GPHN: variants seen among roughly 807,000 people sequenced by gnomAD.
The protein encoded by GPHN is gephyrin.
GPHN carries 17 observed loss-of-function variants against 95.5 expected under a neutral mutation model. That is an observed-to-expected ratio of 0.18 (90% CI 0.12 to 0.27). GPHN has a LOEUF of 0.27. Among genes scored for constraint, GPHN ranks in the 10% least tolerant of loss-of-function variants. GPHN has a pLI of 1.00. For missense variants in GPHN, 660 were observed against 978.1 expected, an observed-to-expected ratio of 0.67 and a Z score of 4.34; for synonymous variants, 320 against 322.5, an observed-to-expected ratio of 0.99 and a Z score of 0.08.
At chr14:67,566,749 G>GA in the GPHN span, among the ~76,000 whole-genome samples, 7,137 of 134,148 alleles carry the variant, frequency 0.053, 616 homozygotes, top group African/African-American at 0.18. Flanking sequence ...ACCCTGTCTT[G>GA]AAAAAAAAAA....
chr14:67,143,344 G>A lies in GPHN; in HGVS notation c.1749-18G>A, dbSNP rs1199746399. On this transcript the variant is annotated intron_variant, in intron 17 of 22. Coordinates refer to ENST00000478722, the MANE Select transcript of GPHN (RefSeq NM_020806.5). Reference sequence around the variant, plus strand: ...CTTTTCCTTGTGTGTTAATTTCTTTGTCTTTATTTTTTTCCAGCCCAGATG... The same window carrying A: ...CTTTTCCTTGTGTGTTAATTTCTTTATCTTTATTTTTTTCCAGCCCAGATG... 4.6e-6 allele frequency: 7 copies of A among 1,532,982 alleles called. No individual in the cohort carries two copies. Among genetic ancestry groups the A allele is most frequent in the East Asian group, 2.2e-5 (1 of 44,472 alleles). 95.0% of individuals were successfully genotyped at this position (1,532,982 alleles called of 1,614,324 possible).
the GPHN span, among the ~76,000 whole-genome samples, chr14:67,594,741 A>G: frequency 6.6e-6 from 1 of 152,212 alleles, no homozygotes; most frequent in Non-Finnish European, 1.5e-5. Flanking sequence ...TATAAGATGA[A>G]AATGCATTTA....
chr14:67,575,692 G>A, the GPHN span: 5 of 762,232 alleles, frequency 6.6e-6, no homozygotes, highest in Non-Finnish European at 1.1e-5. Context: ...GGATGCTATA[G>A]TCTCCACCTC....
intron 1 of GPHN, among the ~76,000 whole-genome samples, chr14:66,655,380 TA>T (rs2153368879): frequency 6.6e-6 from 1 of 152,286 alleles, no homozygotes; most frequent in Admixed American, 6.5e-5. Context: ...TAAGTGGCAT[TA>T]TATTTTAATT....
chr14:66,559,199 A>G (rs2060128008), intron 1 of GPHN, among the ~76,000 whole-genome samples: 1 of 152,084 alleles, frequency 6.6e-6, no homozygotes, highest in Admixed American at 6.5e-5. Flanking sequence ...CAATAAACAT[A>G]TGTGTGCATG....
the GPHN span, among the ~76,000 whole-genome samples, chr14:67,349,583 C>G: frequency 6.6e-6 from 1 of 152,192 alleles, no homozygotes; most frequent in Admixed American, 6.5e-5. Flanking sequence ...GCCTGTAATC[C>G]TGGCACTTTG....
At chr14:67,330,121 A>G in the GPHN span, among the ~76,000 whole-genome samples, 1 of 148,976 alleles carries the variant, frequency 6.7e-6, no homozygotes, top group East Asian at 2.0e-4. Flanking sequence ...TAAAGACACA[A>G]TCTGGAACCA....
At chr14:67,068,944 C>T (rs997425226) in intron 11 of GPHN, among the ~76,000 whole-genome samples, 5 of 152,006 alleles carry the variant, frequency 3.3e-5, no homozygotes, top group Non-Finnish European at 7.4e-5. Context: ...AGTAGGAAGT[C>T]CTCACCAAGG....
At chr14:66,894,268 T>G (rs2064703246) in intron 5 of GPHN, among the ~76,000 whole-genome samples, 1 of 152,148 alleles carries the variant, frequency 6.6e-6, no homozygotes, top group Non-Finnish European at 1.5e-5. Context: ...GGGAAAGGAT[T>G]CCCTATTTAA....
At chr14:66,761,210 T>A (rs2058741508) in intron 2 of GPHN, among the ~76,000 whole-genome samples, 1 of 152,226 alleles carries the variant, frequency 6.6e-6, no homozygotes, top group Non-Finnish European at 1.5e-5. Flanking sequence ...AAATTTTCAC[T>A]GATAGATATA....
At chr14:66,828,058 C>G (rs910911796) in intron 4 of GPHN, among the ~76,000 whole-genome samples, 2 of 151,728 alleles carry the variant, frequency 1.3e-5, no homozygotes, top group Non-Finnish European at 2.9e-5. Context: ...ATAAATATGT[C>G]TTCTCTAATA....
chr14:66,603,688 C>G (rs1328211083), intron 1 of GPHN, among the ~76,000 whole-genome samples: 1 of 151,828 alleles, frequency 6.6e-6, no homozygotes, highest in Non-Finnish European at 1.5e-5. Context: ...TAGATATTAT[C>G]AAATGATATA....
chr14:66,989,668 A>C (rs1015685182), intron 9 of GPHN, among the ~76,000 whole-genome samples: 2 of 151,758 alleles, frequency 1.3e-5, no homozygotes, highest in East Asian at 1.9e-4. Context: ...AAAAAAAAAA[A>C]AAAAACCTAT....
intron 9 of GPHN, among the ~76,000 whole-genome samples, chr14:67,004,021 ACT>A (rs2072427091): frequency 6.6e-6 from 1 of 151,708 alleles, no homozygotes; most frequent in African/African-American, 2.4e-5. Flanking sequence ...ATTTGAATAA[ACT>A]AGACCTTTAT....
At chr14:66,848,355 A>G (rs749202032) in intron 4 of GPHN, among the ~76,000 whole-genome samples, 3 of 152,040 alleles carry the variant, frequency 2.0e-5, no homozygotes, top group South Asian at 4.1e-4. Flanking sequence ...TGTATCTCTT[A>G]TAAGTTAAAT....
At chr14:67,416,498 C>G in the GPHN span, among the ~76,000 whole-genome samples, 1 of 152,162 alleles carries the variant, frequency 6.6e-6, no homozygotes, top group Non-Finnish European at 1.5e-5. Context: ...AGGCAAAAAG[C>G]CAGAGGAGAC....
At chr14:67,602,667 A>C in the GPHN span, among the ~76,000 whole-genome samples, 1 of 152,180 alleles carries the variant, frequency 6.6e-6, no homozygotes, top group Non-Finnish European at 1.5e-5. Flanking sequence ...AAAATTTAAC[A>C]TTTCTTTTGA....
At chr14:66,509,348 C>T (rs2057939904) in intron 1 of GPHN, 1 of 152,288 alleles carries the variant, frequency 6.6e-6, no homozygotes, top group South Asian at 2.1e-4. Context: ...CCTACTCGGG[C>T]TCCTCTCCCC....
At chr14:67,030,375 AC>A (rs1428953617) in intron 10 of GPHN, among the ~76,000 whole-genome samples, 1 of 152,130 alleles carries the variant, frequency 6.6e-6, no homozygotes, top group Non-Finnish European at 1.5e-5. Context: ...ACAAATCTAA[AC>A]CTATCATACT....
Sources: gnomAD v4.1 joint callset for allele counts (sites outside exome capture counted in the v4.1 genomes callset) on GRCh38, gnomAD v4.1.1 for gene constraint, MANE v1.5 for transcripts, NCBI Gene and HGNC (gene_info 2026-07-23, HGNC 2026-07-21) for gene names.